CMPK2: variants seen among roughly 807,000 people sequenced by gnomAD.
The protein encoded by CMPK2 is cytidine/uridine monophosphate kinase 2.
A neutral mutation model predicts 33.4 loss-of-function variants in CMPK2; 32 were observed. That is an observed-to-expected ratio of 0.96 (90% CI 0.72 to 1.29). CMPK2 has a LOEUF of 1.29. CMPK2 is among the 50% of genes most tolerant of loss of function. The probability of loss-of-function intolerance (pLI) is 0.00; values close to 1 mark genes in which losing one functional copy is unlikely to be tolerated. For missense variants in CMPK2, 672 were observed against 616.0 expected (o/e 1.09, Z -0.96); for synonymous variants, 299 against 275.3 (o/e 1.09, Z -0.85).
At chr2:6,842,191 A>G (rs1368091235) in intron 3 of CMPK2, among the ~76,000 whole-genome samples, 1 of 152,146 alleles carries the variant, frequency 6.6e-6, no homozygotes, top group Non-Finnish European at 1.5e-5. Context: ...CTCTGGCTGC[A>G]TAGGTTTGCA....
chr2:6,846,661 G>C (rs1662369641), downstream of CMPK2, among the ~76,000 whole-genome samples: 2 of 152,208 alleles, frequency 1.3e-5, no homozygotes, highest in African/African-American at 4.8e-5. Flanking sequence ...TAGGGGACTG[G>C]AGTTAGTCCA....
chr2:6,844,607 G>T (rs1662312764), downstream of CMPK2, among the ~76,000 whole-genome samples: 1 of 152,170 alleles, frequency 6.6e-6, no homozygotes, highest in African/African-American at 2.4e-5. Flanking sequence ...TTCCAACTGG[G>T]ATTTTCAAGG....
Position 6,865,722 on chromosome 2 carries a change from G to A in CMPK2, c.-26C>T. The A allele has an allele frequency of 5.5e-6, 7 of 1,282,020 alleles. No individual in the cohort carries two copies. In the Admixed American group the frequency reaches 1.3e-4, roughly 24 times the overall value. 79.4% of individuals were successfully genotyped at this position (1,282,020 alleles called of 1,614,324 possible). On this transcript the variant is annotated 5_prime_UTR_variant, in exon 1 of 5. Coordinates refer to ENST00000256722, the MANE Select transcript of CMPK2 (RefSeq NM_207315.4). ...GGGCGCCTCAGCGACGCCGCCCTCGGCCCCGCCTCGGAAACGAAACCTGGC... is the reference window on the plus strand; with the variant it reads ...GGGCGCCTCAGCGACGCCGCCCTCGACCCCGCCTCGGAAACGAAACCTGGC...
rs1360479790 is a variant in CMPK2 at position 6,853,162 on chromosome 2, C to T, written c.993-1479G>A. Among the ~76,000 whole-genome samples the T allele has an allele frequency of 2.6e-5, 4 of 152,132 alleles. No homozygotes were observed. In the East Asian group the frequency reaches 5.8e-4, roughly 22 times the overall value. On this transcript the variant is annotated intron_variant, in intron 3 of 4. Coordinates refer to ENST00000256722, the MANE Select transcript of CMPK2 (RefSeq NM_207315.4). Reference sequence around the variant, plus strand: ...ATGGGGTTTCATCATGCTGGCCAGGCTGGTCTCAAACTCCTGACCTCAGGT... The same window carrying T: ...ATGGGGTTTCATCATGCTGGCCAGGTTGGTCTCAAACTCCTGACCTCAGGT...
At chr2:6,866,113 T>G (rs879484420), upstream of CMPK2, 1 of 226,660 alleles carries the variant, frequency 4.4e-6, no homozygotes, top group Non-Finnish European at 9.0e-6. Flanking sequence ...CCTCTGCGGC[T>G]TATGCCGGGT....
chr2:6,848,413 AT>A lies in CMPK2; in HGVS notation c.*1436del, dbSNP rs1443041859. The stretch of plus-strand genomic sequence containing the variant: ...AGGCTGCCAGTATAAGCTTTTCAAA[AT>A]GTTTAAAGTAAATAAAACCAATAAT... On this transcript the variant is annotated 3_prime_UTR_variant, in exon 5 of 5. Transcript: ENST00000256722. The A allele has an allele frequency of 1.0e-6, 1 of 984,228 alleles. No individual in the cohort carries two copies. Among genetic ancestry groups the A allele is most frequent in the Non-Finnish European group, 1.2e-6 (1 of 828,954 alleles). The allele number at this position is 984,228 out of a possible 1,614,324, so 61.0% of individuals were successfully genotyped here.
chr2:6,858,237 G>A (rs1330764846), intron 3 of CMPK2, among the ~76,000 whole-genome samples: 2 of 151,206 alleles, frequency 1.3e-5, no homozygotes, highest in African/African-American at 4.9e-5. Flanking sequence ...TCAGGGCTCT[G>A]ACTAATGGTG....
intron 4 of CMPK2, chr2:6,850,576 G>T: frequency 4.2e-6 from 1 of 235,788 alleles, no homozygotes; most frequent in Non-Finnish European, 6.9e-6. Flanking sequence ...TCCTAGCCAA[G>T]TGAATTGGTC....
chr2:6,841,526 A>G (rs1357621274), intron 3 of CMPK2, among the ~76,000 whole-genome samples: 1 of 152,198 alleles, frequency 6.6e-6, no homozygotes, highest in Non-Finnish European at 1.5e-5. Flanking sequence ...TTGGTGAAGG[A>G]TCTTAAGAAC....
chr2:6,861,701 C>T (rs1187054643), intron 2 of CMPK2, among the ~76,000 whole-genome samples: 2 of 152,170 alleles, frequency 1.3e-5, no homozygotes, highest in African/African-American at 4.8e-5. Context: ...ACCCAGAAGA[C>T]TTTCTCTCCT....
At chr2:6,866,017 GA>G (rs1473372392), upstream of CMPK2, 1 of 511,824 alleles carries the variant, frequency 2.0e-6, no homozygotes, top group East Asian at 6.9e-5. Flanking sequence ...GGCTGACACC[GA>G]ATGAGGCCCC....
chr2:6,865,945 G>T (rs748517929), upstream of CMPK2: 3 of 1,303,840 alleles, frequency 2.3e-6, no homozygotes, highest in Non-Finnish European at 3.0e-6. Context: ...CAGACGCTTG[G>T]CCCCGGGGCC....
chr2:6,864,997 A>C, intron 1 of CMPK2, 25 bp downstream of exon 1: 1 of 1,401,354 alleles, frequency 7.1e-7, no homozygotes, highest in Non-Finnish European at 9.3e-7. Context: ...CCACGCTGGG[A>C]GCTGGAAGCG....
chr2:6,865,848 CG>C lies in CMPK2; in HGVS notation c.-153del. The C allele has an allele frequency of 7.7e-7, 1 of 1,291,084 alleles. No individual in the cohort carries two copies. 80.0% of individuals were successfully genotyped at this position (1,291,084 alleles called of 1,614,324 possible). ...GGGAAACGAAAGCCGGAGGCCCAGG[CG>C]GGGCAGGAGCCCTGGGGCTGGGGCG... On this transcript the variant is annotated 5_prime_UTR_variant, in exon 1 of 5. Coordinates refer to ENST00000256722, the MANE Select transcript of CMPK2 (RefSeq NM_207315.4).
chr2:6,844,699 G>A (rs1487630765), downstream of CMPK2, among the ~76,000 whole-genome samples: 2 of 152,036 alleles, frequency 1.3e-5, no homozygotes, highest in African/African-American at 4.8e-5. Flanking sequence ...CCTTCTTTTA[G>A]ACTTCTTATC....
intron 3 of CMPK2, among the ~76,000 whole-genome samples, chr2:6,852,026 C>A (rs1352423258): frequency 2.0e-5 from 3 of 152,150 alleles, no homozygotes; most frequent in African/African-American, 7.2e-5. Flanking sequence ...GACAATGAAC[C>A]TGTTTGGCAG....
intron 3 of CMPK2, among the ~76,000 whole-genome samples, chr2:6,858,165 C>A (rs1351817536): frequency 1.3e-5 from 2 of 151,374 alleles, no homozygotes; most frequent in Non-Finnish European, 2.9e-5. Flanking sequence ...TTGCAGATTT[C>A]TTTCTCCACA....
Position 6,865,233 on chromosome 2 carries a change from T to C in CMPK2, c.464A>G (p.Glu155Gly). Residue 155 changes from glutamate to glycine, a missense_variant, in exon 1 of 5, where the codon GAG (glutamate) becomes GGG (glycine). Coordinates refer to ENST00000256722, the MANE Select transcript of CMPK2 (RefSeq NM_207315.4). ...ALLELLGACQ[E>G]APRPHLGEFE... is the part of the protein sequence containing the mutation. Reference sequence around the variant, plus strand: ...CTCGCCCAAGTGCGGGCGTGGTGCCTCCTGACAGGCGCCCAGCAGCTCGAG... The same window carrying C: ...CTCGCCCAAGTGCGGGCGTGGTGCCCCCTGACAGGCGCCCAGCAGCTCGAG... The C allele has an allele frequency of 5.9e-6, 9 of 1,536,180 alleles. No homozygotes were observed. The highest frequency in any genetic ancestry group is 7.8e-6 in the Non-Finnish European group (9 of 1,147,678).
chr2:6,856,482 T>G (rs879461253), intron 3 of CMPK2, among the ~76,000 whole-genome samples: 1 of 152,220 alleles, frequency 6.6e-6, no homozygotes. Context: ...TGTTCACTTC[T>G]TGAAATTCCT....
Sources: gnomAD v4.1 joint callset for allele counts (sites outside exome capture counted in the v4.1 genomes callset) on GRCh38, gnomAD v4.1.1 for gene constraint, MANE v1.5 for transcripts, NCBI Gene and HGNC (gene_info 2026-07-23, HGNC 2026-07-21) for gene names.